TMEM236: variants seen among roughly 807,000 people sequenced by gnomAD.
TMEM236 encodes the protein transmembrane protein 236, also known as family with sequence similarity 23, member A.
A neutral mutation model predicts 14.7 loss-of-function variants in TMEM236; 11 were observed. The ratio of observed to expected loss-of-function variants is 0.75; its 90% CI spans 0.47 to 1.24. The LOEUF is 1.24. Ranked by LOEUF, TMEM236 falls within the 50% of genes most tolerant of loss-of-function variation. TMEM236 has a pLI of 0.00. For missense variants in TMEM236, 464 were observed against 427.3 expected, an observed-to-expected ratio of 1.09 and a Z score of -0.76; for synonymous variants, 182 against 168.6, an observed-to-expected ratio of 1.08 and a Z score of -0.62.
chr10:17,759,982 CAAAAAAAAAAAAAAAAAAAAA>C (rs35596189), intron 1 of TMEM236, among the ~76,000 whole-genome samples: 10 of 54,706 alleles, frequency 1.8e-4, no homozygotes, highest in African/African-American at 7.3e-4. Flanking sequence ...GACTCCGTCT[CAAAAAAAAAAAAAAAAAAAAA>C]AAAAAAAAGA....
intron 2 of TMEM236, among the ~76,000 whole-genome samples, chr10:17,772,274 T>C (rs1589145448): frequency 6.6e-6 from 1 of 152,268 alleles, no homozygotes; most frequent in East Asian, 1.9e-4. Flanking sequence ...TTAGAATGCA[T>C]TGTAGGTGCT....
chr10:17,769,012 A>G (rs1162976608), intron 1 of TMEM236, among the ~76,000 whole-genome samples: 14 of 152,302 alleles, frequency 9.2e-5, no homozygotes, highest in African/African-American at 2.6e-4. Context: ...CCATCCATCC[A>G]CAAAACTCTT....
At chr10:17,765,784 T>C (rs1238683042) in intron 1 of TMEM236, among the ~76,000 whole-genome samples, 1 of 152,232 alleles carries the variant, frequency 6.6e-6, no homozygotes, top group Non-Finnish European at 1.5e-5. Context: ...TGCATGGTCA[T>C]AGCTCTGCCC....
chr10:17,762,605 A>G (rs1170222149), intron 1 of TMEM236, among the ~76,000 whole-genome samples: 5 of 77,972 alleles, frequency 6.4e-5, no homozygotes, highest in Admixed American at 4.1e-4. Flanking sequence ...ATATATATAT[A>G]TATATATATA....
chr10:17,770,986 A>C (rs1455256850), intron 1 of TMEM236, among the ~76,000 whole-genome samples: 4 of 152,368 alleles, frequency 2.6e-5, no homozygotes, highest in Non-Finnish European at 5.9e-5. Flanking sequence ...TGGTCACTAC[A>C]GCCTGACCTC....
chr10:17,763,948 G>A (rs1837418346), intron 1 of TMEM236, among the ~76,000 whole-genome samples: 2 of 152,158 alleles, frequency 1.3e-5, no homozygotes, highest in Non-Finnish European at 2.9e-5. Context: ...CTCACTCAGA[G>A]GGTTGTTGTG....
Position 17,796,522 on chromosome 10 carries a change from G to A in TMEM236, c.*18G>A, listed in dbSNP as rs1255106000. 3.2e-6 allele frequency: 5 copies of A among 1,581,694 alleles called. No homozygotes were observed. In the African/African-American group the frequency reaches 6.8e-5, roughly 21 times the overall value. On this transcript the variant is annotated 3_prime_UTR_variant, in exon 4 of 4. Coordinates refer to ENST00000377495, the MANE Select transcript of TMEM236 (RefSeq NM_001098844.3). The stretch of plus-strand genomic sequence containing the variant: ...CATTTTAAAAAGGAAATGGGATCTA[G>A]TAAGGCCTCTTTGTGATACCTGTGT...
At position 17,800,222 on chromosome 10, in the gene TMEM236, ACT is replaced by A. The variant is rs1838074803; in HGVS notation, c.*3721_*3722del. ...GCTCCAGCCTGGGCAACAGATTGAG[ACT>A]CTGTCTCAAAAAAAAAAAAAAGTCA... On this transcript the variant is annotated 3_prime_UTR_variant, in exon 4 of 4. Coordinates refer to ENST00000377495, the MANE Select transcript of TMEM236 (RefSeq NM_001098844.3). The A allele has an allele frequency of 4.7e-5, 7 of 149,382 alleles. 1 individual carries two copies. In the South Asian group the frequency reaches 1.5e-3, roughly 32 times the overall value. The allele number at this position is 149,382 out of a possible 1,614,324, so 9.3% of individuals were successfully genotyped here. A position where few individuals can be genotyped will look rare whatever the true frequency, so the allele number is the denominator to read the frequency against.
At chr10:17,766,805 C>T (rs1352802150) in intron 1 of TMEM236, among the ~76,000 whole-genome samples, 6 of 152,248 alleles carry the variant, frequency 3.9e-5, no homozygotes, top group East Asian at 1.9e-4. Context: ...TGCTTCCTTC[C>T]GAGGGATATG....
chr10:17,772,704 C>T (rs1589145647), intron 2 of TMEM236, among the ~76,000 whole-genome samples: 2 of 152,184 alleles, frequency 1.3e-5, no homozygotes, highest in Non-Finnish European at 2.9e-5. Context: ...GGGTAAGCAT[C>T]GCTCAAGTCA....
chr10:17,780,683 GTGT>G (rs1341110834), intron 3 of TMEM236, among the ~76,000 whole-genome samples: 2 of 152,276 alleles, frequency 1.3e-5, no homozygotes, highest in East Asian at 3.9e-4. Context: ...AAATGAAGCA[GTGT>G]TGTTGTCTGG....
At position 17,796,089 on chromosome 10, in the gene TMEM236, G is replaced by T; in HGVS notation, c.641G>T (p.Gly214Val). Residue 214 changes from glycine (G) to valine (V), a missense_variant, in exon 4 of 4, where the codon GGA becomes GTA. Gly to Val is a moderately radical substitution (Grantham distance 109). Coordinates refer to ENST00000377495, the MANE Select transcript of TMEM236 (RefSeq NM_001098844.3). ...MTRSQESVFM[G>V]PQEPSCDSGI... is the part of the protein sequence containing the mutation. ...CGGAGCCAGGAGTCTGTGTTCATGG[G>T]ACCCCAGGAGCCCTCCTGTGACTCC... 1 of 1,613,838 alleles carries T rather than the reference G, an allele frequency of 6.2e-7. No homozygotes were observed. The highest frequency in any genetic ancestry group is 1.1e-5 in the South Asian group (1 of 91,072).
chr10:17,779,567 T>C (rs1052577767), intron 3 of TMEM236, among the ~76,000 whole-genome samples: 2,646 of 152,198 alleles, frequency 0.017, 48 homozygotes, highest in Non-Finnish European at 0.023. Context: ...GGCACCACCA[T>C]GCCTGGCTAA....
At chr10:17,760,851 A>G (rs1398543028) in intron 1 of TMEM236, among the ~76,000 whole-genome samples, 1 of 152,156 alleles carries the variant, frequency 6.6e-6, no homozygotes, top group Non-Finnish European at 1.5e-5. Flanking sequence ...TAAAACCATC[A>G]GATCCGTGAA....
intron 3 of TMEM236, among the ~76,000 whole-genome samples, chr10:17,793,256 A>G (rs1837956197): frequency 6.6e-6 from 1 of 152,190 alleles, no homozygotes; most frequent in Non-Finnish European, 1.5e-5. Context: ...GACTGTTTAA[A>G]AAAATGTTAA....
At chr10:17,773,631 C>G (rs1235394302) in intron 2 of TMEM236, among the ~76,000 whole-genome samples, 1 of 152,218 alleles carries the variant, frequency 6.6e-6, no homozygotes, top group Non-Finnish European at 1.5e-5. Flanking sequence ...AGGCACCCCT[C>G]CAGGCATCAT....
At position 17,800,085 on chromosome 10, in the gene TMEM236, T is replaced by C. The variant is rs1432424348; in HGVS notation, c.*3581T>C. 3.9e-5 allele frequency: 6 copies of C among 151,930 alleles called. No individual in the cohort carries two copies. Among genetic ancestry groups the C allele is most frequent in the African/African-American group, 1.5e-4 (6 of 41,372 alleles). The allele number at this position is 151,930 out of a possible 1,614,324, so 9.4% of individuals were successfully genotyped here. ...TTGGTGCAAAAGTAATTGAGGTTTT[T>C]GCCATTGAAAGTGGTGGTGCATGCC... On this transcript the variant is annotated 3_prime_UTR_variant, in exon 4 of 4. Coordinates refer to ENST00000377495, the MANE Select transcript of TMEM236 (RefSeq NM_001098844.3).
intron 1 of TMEM236, among the ~76,000 whole-genome samples, chr10:17,754,467 G>A (rs1027698265): frequency 5.3e-5 from 8 of 152,026 alleles, no homozygotes; most frequent in African/African-American, 1.9e-4. Context: ...TGGGACTACA[G>A]GTGCACACCA....
At chr10:17,752,655 C>T in intron 1 of TMEM236, 103 bp downstream of exon 1, 2 of 1,169,498 alleles carry the variant, frequency 1.7e-6, no homozygotes, top group South Asian at 2.5e-5. Flanking sequence ...CAACGTCCGC[C>T]TCCTGGGTTC....
Sources: allele counts gnomAD v4.1 joint callset (sites outside exome capture counted in the v4.1 genomes callset), GRCh38; gene constraint gnomAD v4.1.1; transcripts MANE v1.5; gene names NCBI Gene and HGNC (gene_info 2026-07-23, HGNC 2026-07-21).